Variants in CRADD observed in about 807,000 individuals in gnomAD.
CRADD encodes death domain-containing protein CRADD.
CRADD carries 9 observed loss-of-function variants against 15.5 expected under a neutral mutation model. The ratio of observed to expected loss-of-function variants is 0.58; its 90% CI spans 0.35 to 1.01. The LOEUF (loss-of-function observed/expected upper bound fraction) is 1.01, where lower values mean the gene tolerates loss of function less well. CRADD is among the 50% of genes least tolerant of loss of function. CRADD has a pLI of 0.02. For synonymous variants in CRADD, 118 were observed against 107.6 expected, an observed-to-expected ratio of 1.10 and a Z score of -0.60; for missense variants, 227 against 250.3, an observed-to-expected ratio of 0.91 and a Z score of 0.63.
chr12:93,837,934 C>T (rs1461063355), intron 2 of CRADD: 1 of 152,196 alleles, frequency 6.6e-6, no homozygotes, highest in African/African-American at 2.4e-5. Context: ...TACCACCCAC[C>T]TTTTAATTCA....
chr12:93,759,209 G>A (rs932202800), intron 2 of CRADD, among the ~76,000 whole-genome samples: 1 of 152,148 alleles, frequency 6.6e-6, no homozygotes, highest in African/African-American at 2.4e-5. Context: ...CACAGAAATA[G>A]TAATTGTTGA....
downstream of CRADD, among the ~76,000 whole-genome samples, chr12:93,855,715 T>A (rs1367905932): frequency 1.3e-5 from 2 of 152,240 alleles, no homozygotes; most frequent in Non-Finnish European, 2.9e-5. Context: ...ATGGTCACAG[T>A]GAGGATTCCA....
intron 2 of CRADD, among the ~76,000 whole-genome samples, chr12:93,882,886 C>G (rs1958512831): frequency 1.3e-5 from 2 of 152,182 alleles, no homozygotes; most frequent in African/African-American, 2.4e-5. Context: ...CCTTTCCATT[C>G]TCTTCCTTTC....
chr12:93,731,335 A>G (rs1442268822), intron 2 of CRADD, among the ~76,000 whole-genome samples: 1 of 152,216 alleles, frequency 6.6e-6, no homozygotes, highest in Admixed American at 6.5e-5. Flanking sequence ...TAAGCACAGA[A>G]TTTGGGGATG....
intron 2 of CRADD, among the ~76,000 whole-genome samples, chr12:93,792,647 A>T (rs1957362309): frequency 6.6e-6 from 1 of 152,200 alleles, no homozygotes; most frequent in South Asian, 2.1e-4. Flanking sequence ...AAAAATATAG[A>T]AGTTAATATA....
At chr12:93,827,406 T>A (rs905205330) in intron 2 of CRADD, among the ~76,000 whole-genome samples, 1 of 152,236 alleles carries the variant, frequency 6.6e-6, no homozygotes, top group African/African-American at 2.4e-5. Context: ...TTTGTCCCTT[T>A]TTAATGTAGG....
intron 2 of CRADD, among the ~76,000 whole-genome samples, chr12:93,823,016 C>G (rs539532388): frequency 6.6e-6 from 1 of 152,168 alleles, no homozygotes; most frequent in Non-Finnish European, 1.5e-5. Context: ...TCGCATTGGC[C>G]GGGCACGGTG....
At chr12:93,847,760 C>A (rs985089106) in intron 2 of CRADD, among the ~76,000 whole-genome samples, 3 of 152,056 alleles carry the variant, frequency 2.0e-5, no homozygotes, top group Non-Finnish European at 4.4e-5. Flanking sequence ...GAAAAAAAAT[C>A]AAGTGTGAGG....
chr12:93,880,678 A>T (rs1173965978), intron 2 of CRADD, among the ~76,000 whole-genome samples: 1 of 152,168 alleles, frequency 6.6e-6, no homozygotes, highest in Non-Finnish European at 1.5e-5. Context: ...CTTCGAAAGG[A>T]CTGTCTCTAC....
At chr12:93,715,468 G>C (rs1956145251) in intron 2 of CRADD, among the ~76,000 whole-genome samples, 1 of 152,166 alleles carries the variant, frequency 6.6e-6, no homozygotes. Flanking sequence ...CTCTACCATA[G>C]AGGAGGGAAG....
At chr12:93,893,937 A>G (rs996701137) in intron 2 of CRADD, 2 of 674,116 alleles carry the variant, frequency 3.0e-6, no homozygotes, top group South Asian at 1.6e-5. Context: ...TAGATCATCT[A>G]TTCCTACGTT....
chr12:93,853,531 C>T (rs1958245778), downstream of CRADD, among the ~76,000 whole-genome samples: 1 of 152,186 alleles, frequency 6.6e-6, no homozygotes, highest in Non-Finnish European at 1.5e-5. Flanking sequence ...AAACCATTGT[C>T]CCACTTTTTG....
intron 2 of CRADD, among the ~76,000 whole-genome samples, chr12:93,684,141 A>G (rs571895472): frequency 6.6e-6 from 1 of 152,332 alleles, no homozygotes; most frequent in South Asian, 2.1e-4. Flanking sequence ...GGATCTCCAG[A>G]TCAGTTGAGG....
intron 2 of CRADD, among the ~76,000 whole-genome samples, chr12:93,691,249 T>A (rs1352509389): frequency 7.6e-6 from 1 of 131,014 alleles, no homozygotes; most frequent in Non-Finnish European, 1.5e-5. Flanking sequence ...AATTTTCTTT[T>A]GTTTTCTTTT....
At chr12:93,848,184 A>C (rs1182387716) in intron 2 of CRADD, among the ~76,000 whole-genome samples, 1 of 152,028 alleles carries the variant, frequency 6.6e-6, no homozygotes, top group Non-Finnish European at 1.5e-5. Context: ...TTTTTATACA[A>C]GCCGTAAAAT....
At chr12:93,717,508 T>C (rs765584014) in intron 2 of CRADD, among the ~76,000 whole-genome samples, 10 of 152,194 alleles carry the variant, frequency 6.6e-5, no homozygotes, top group Non-Finnish European at 1.2e-4. Context: ...TTTTGTGTTT[T>C]ACATTTAGGT....
chr12:93,750,801 C>G (rs1434622502), intron 2 of CRADD, among the ~76,000 whole-genome samples: 3 of 152,062 alleles, frequency 2.0e-5, no homozygotes, highest in Non-Finnish European at 2.9e-5. Flanking sequence ...TCCAAGTTAC[C>G]TAATTATATC....
At chr12:93,822,384 C>T (rs1957778342) in intron 2 of CRADD, among the ~76,000 whole-genome samples, 1 of 152,134 alleles carries the variant, frequency 6.6e-6, no homozygotes. Context: ...GAGGTTACAT[C>T]ATTTCTTACA....
At chr12:93,776,417 T>C (rs899262141) in intron 2 of CRADD, among the ~76,000 whole-genome samples, 1 of 152,212 alleles carries the variant, frequency 6.6e-6, no homozygotes, top group East Asian at 1.9e-4. Flanking sequence ...TTTAAAATTT[T>C]GATAGATATT....
Sources: allele counts gnomAD v4.1 joint callset (sites outside exome capture counted in the v4.1 genomes callset), GRCh38; gene constraint gnomAD v4.1.1; transcripts MANE v1.5; gene names NCBI Gene and HGNC (gene_info 2026-07-23, HGNC 2026-07-21).